The following IL16 variants were observed in gnomAD, a reference collection of about 807,000 sequenced individuals.
IL16 encodes the protein interleukin 16.
Under a neutral mutation model 110.1 loss-of-function variants are expected in IL16, and 67 were observed. The observed-to-expected ratio is 0.61, with a 90% CI of 0.50 to 0.75. IL16 has a LOEUF of 0.75. Among genes scored for constraint, IL16 ranks in the 30% least tolerant of loss-of-function variants. The pLI is 0.00. For synonymous variants in IL16, 689 were observed against 662.9 expected (o/e 1.04, Z -0.61); for missense variants, 1,545 against 1,655.0 (o/e 0.93, Z 1.15).
At chr15:81,244,737 T>C (rs1230525075) in intron 2 of IL16, among the ~76,000 whole-genome samples, 2 of 152,190 alleles carry the variant, frequency 1.3e-5, no homozygotes, top group Non-Finnish European at 2.9e-5. Context: ...CCTAAATTTG[T>C]GAAGTGCTCA....
intron 1 of IL16, among the ~76,000 whole-genome samples, chr15:81,216,925 T>G (rs961355762): frequency 6.6e-6 from 1 of 152,154 alleles, no homozygotes; most frequent in South Asian, 2.1e-4. Flanking sequence ...TAGGTCTACT[T>G]AGGCTGTAAA....
At chr15:81,195,795 G>A (rs2141933235), upstream of IL16, among the ~76,000 whole-genome samples, 1 of 152,328 alleles carries the variant, frequency 6.6e-6, no homozygotes, top group East Asian at 1.9e-4. Context: ...CACAGAGACT[G>A]AGCTTAGGAG....
At chr15:81,259,568 A>G (rs1473163605) in intron 2 of IL16, among the ~76,000 whole-genome samples, 1 of 152,244 alleles carries the variant, frequency 6.6e-6, no homozygotes, top group African/African-American at 2.4e-5. Context: ...TATTCATTCA[A>G]TATTTGTAAT....
At chr15:81,304,859 A>G (rs1011815323) in intron 16 of IL16, among the ~76,000 whole-genome samples, 1 of 152,240 alleles carries the variant, frequency 6.6e-6, no homozygotes, top group African/African-American at 2.4e-5. Context: ...CTTTGCTCCT[A>G]TCATAAAAGC....
intron 13 of IL16, among the ~76,000 whole-genome samples, chr15:81,299,100 G>A (rs1177366337): frequency 6.6e-6 from 1 of 152,214 alleles, no homozygotes; most frequent in Non-Finnish European, 1.5e-5. Context: ...TTCTTGAAAT[G>A]TAATATGCCA....
At position 81,207,742 on chromosome 15, in the gene IL16, C is replaced by T. The variant is rs768943955; in HGVS notation, c.-102+10590C>T. 1.6e-4 allele frequency among the ~76,000 whole-genome samples: 25 copies of T among 152,016 alleles called. 1 individual carries two copies. Among genetic ancestry groups the T allele is most frequent in the Non-Finnish European group, 3.2e-4 (22 of 68,008 alleles). On this transcript the variant is annotated intron_variant, in intron 1 of 18. Transcript: ENST00000683961. ...GGCTGCATAGTATTTCATGGTGATACGTACCACATTTTCTTTACTCCACCG... is the reference window on the plus strand; with the variant it reads ...GGCTGCATAGTATTTCATGGTGATATGTACCACATTTTCTTTACTCCACCG...
rs1183174870 is a variant in IL16, at chr15:81,300,169, A to G, written c.2843A>G (p.Gln948Arg). 1.2e-6 allele frequency: 2 copies of G among 1,614,100 alleles called. No individual in the cohort carries two copies. The highest frequency in any genetic ancestry group is 1.7e-6 in the Non-Finnish European group (2 of 1,179,998). ...CCGCTCCTAAGGCTGCTGTCAACAC[A>G]GGCTGAGGAATCTCAAGGCCCAGTG... ...PDPLLRLLST[Q>R]AEESQGPVLK... is the part of the protein sequence containing the mutation. The change falls in exon 14 of 19, where the codon CAG (glutamine) becomes CGG (arginine). Residue 948 changes from glutamine (Q) to arginine (R), a missense_variant. Transcript: ENST00000683961.
chr15:81,211,885 C>G (rs960694426), intron 1 of IL16, among the ~76,000 whole-genome samples: 12 of 152,114 alleles, frequency 7.9e-5, no homozygotes, highest in African/African-American at 2.9e-4. Context: ...GGTGAATTAA[C>G]ATTTTGATAT....
Position 81,273,464 on chromosome 15 carries a change from G to T in IL16, c.790+260G>T, listed in dbSNP as rs577044905. Among the ~76,000 whole-genome samples, 3 of 152,236 alleles carry T rather than the reference G, an allele frequency of 2.0e-5. No homozygotes were observed. In the South Asian group the frequency reaches 6.2e-4, roughly 32 times the overall value. On this transcript the variant is annotated intron_variant, in intron 6 of 18. Coordinates refer to ENST00000683961, the MANE Select transcript of IL16 (RefSeq NM_172217.5). ...CCTTAGCTGGTCTTGGGGCCAGCCT[G>T]GGTGGGACTGAAGTCTGAGGGGTCT...
chr15:81,290,897 A>G (rs768331191), intron 11 of IL16, among the ~76,000 whole-genome samples: 1 of 152,254 alleles, frequency 6.6e-6, no homozygotes, highest in Non-Finnish European at 1.5e-5. Flanking sequence ...TAATAATAGA[A>G]TATTAGAAAA....
Position 81,309,422 on chromosome 15 carries a change from C to T in IL16, c.*624C>T, listed in dbSNP as rs1200363105. The T allele has an allele frequency of 6.5e-6, 1 of 152,722 alleles. No individual in the cohort carries two copies. Among genetic ancestry groups the T allele is most frequent in the East Asian group, 1.9e-4 (1 of 5,262 alleles). 9.5% of individuals were successfully genotyped at this position (152,722 alleles called of 1,614,324 possible). On this transcript the variant is annotated 3_prime_UTR_variant, in exon 19 of 19. Transcript: ENST00000683961. ...GTGTCTGGATTCCCAGGATGAGCAT[C>T]CCAGGATCGCAAGAGCCATGTAGAA...
At chr15:81,229,971 T>A (rs2142055060) in intron 2 of IL16, among the ~76,000 whole-genome samples, 1 of 152,362 alleles carries the variant, frequency 6.6e-6, no homozygotes, top group South Asian at 2.1e-4. Context: ...AGCCAACTTT[T>A]TTTTTTAAAG....
In IL16 at chr15:81,270,759, G is replaced by T. The variant is rs1898596437; in HGVS notation, c.675+1111G>T. Among the ~76,000 whole-genome samples the T allele has an allele frequency of 1.3e-5, 2 of 152,180 alleles. 1 individual carries two copies. The highest frequency in any genetic ancestry group is 1.3e-4 in the Admixed American group (2 of 15,280). On this transcript the variant is annotated intron_variant, in intron 5 of 18. Transcript: ENST00000683961. ...ACTCATGTGAAGATGACCAAAAATG[G>T]TTTAAGTTATCTTGGTGTGCACAAA...
At chr15:81,251,216 G>A (rs1897756916) in intron 2 of IL16, among the ~76,000 whole-genome samples, 1 of 152,072 alleles carries the variant, frequency 6.6e-6, no homozygotes, top group Non-Finnish European at 1.5e-5. Flanking sequence ...GACTGGGCTG[G>A]GATGCAGTGG....
At chr15:81,263,346 A>ATTTTTTTT (rs10717016) in intron 3 of IL16, among the ~76,000 whole-genome samples, 1 of 109,792 alleles carries the variant, frequency 9.1e-6, no homozygotes. Flanking sequence ...TTCAAAAACT[A>ATTTTTTTT]TTTTTTTTTG....
At chr15:81,288,125 C>G (rs1408539307) in intron 10 of IL16, among the ~76,000 whole-genome samples, 1 of 152,138 alleles carries the variant, frequency 6.6e-6, no homozygotes, top group Non-Finnish European at 1.5e-5. Context: ...GGAGCCAGGC[C>G]AGAAAGGACA....
chr15:81,266,470 T>C (rs965898204), intron 4 of IL16, among the ~76,000 whole-genome samples: 1 of 152,164 alleles, frequency 6.6e-6, no homozygotes, highest in African/African-American at 2.4e-5. Flanking sequence ...ACCTTCCCAC[T>C]ACAGGTGTCA....
chr15:81,251,149 G>GCAAC (rs1897754673), intron 2 of IL16, among the ~76,000 whole-genome samples: 1 of 152,028 alleles, frequency 6.6e-6, no homozygotes, highest in African/African-American at 2.4e-5. Flanking sequence ...TACATCCCAT[G>GCAAC]CAACCTTTCT....
Position 81,203,461 on chromosome 15 carries a change from C to A in IL16, c.-102+6309C>A, listed in dbSNP as rs1895896641. Among the ~76,000 whole-genome samples, 4 of 152,118 alleles carry A rather than the reference C, an allele frequency of 2.6e-5. No individual in the cohort carries two copies. In the South Asian group the frequency reaches 8.3e-4, roughly 32 times the overall value. ...AGGGTTTTTATGGTTTTAGGTCTAA[C>A]ATTTAAGTCTTTAATCCATCTTGAA... is the stretch of plus-strand genomic sequence containing the variant. On this transcript the variant is annotated intron_variant, in intron 1 of 18. Coordinates refer to ENST00000683961, the MANE Select transcript of IL16 (RefSeq NM_172217.5).
Sources: allele counts gnomAD v4.1 joint callset (sites outside exome capture counted in the v4.1 genomes callset), GRCh38; gene constraint gnomAD v4.1.1; transcripts MANE v1.5; gene names NCBI Gene and HGNC (gene_info 2026-07-23, HGNC 2026-07-21).